The following CADM2 variants were observed in gnomAD, a reference collection of about 807,000 sequenced individuals.
The protein encoded by CADM2 is cell adhesion molecule 2, also known as immunoglobulin superfamily member 4D.
Under a neutral mutation model 49.8 loss-of-function variants are expected in CADM2, and 12 were observed. That is an observed-to-expected ratio of 0.24 (90% confidence interval 0.15 to 0.39). CADM2 has a LOEUF of 0.39. Ranked by LOEUF, CADM2 falls within the 10% of genes least tolerant of loss-of-function variation. CADM2 has a pLI of 1.00. For missense variants in CADM2, 378 were observed against 492.3 expected (o/e 0.77, Z 2.20); for synonymous variants, 214 against 175.4 (o/e 1.22, Z -1.74).
chr3:84,980,219 C>T (rs534342224), intron 1 of CADM2, among the ~76,000 whole-genome samples: 232 of 152,260 alleles, frequency 1.5e-3, no homozygotes, highest in Non-Finnish European at 3.0e-3. Flanking sequence ...AACACAGTTG[C>T]TTTCGAGTCT....
At chr3:85,646,832 T>C (rs943440043) in intron 1 of CADM2, among the ~76,000 whole-genome samples, 3 of 151,934 alleles carry the variant, frequency 2.0e-5, no homozygotes, top group African/African-American at 7.2e-5. Context: ...GTCTTGTTGA[T>C]CAATCTAATC....
At chr3:85,991,128 T>G (rs1728726535) in intron 8 of CADM2, among the ~76,000 whole-genome samples, 1 of 152,140 alleles carries the variant, frequency 6.6e-6, no homozygotes, top group African/African-American at 2.4e-5. Context: ...AAGAAAAATC[T>G]GTACAAACAC....
chr3:85,398,283 T>G (rs1316792528), intron 1 of CADM2, among the ~76,000 whole-genome samples: 1 of 152,154 alleles, frequency 6.6e-6, no homozygotes, highest in Non-Finnish European at 1.5e-5. Flanking sequence ...TGTGATAGTT[T>G]GCTGACAATG....
In CADM2 at chr3:85,600,871, A is replaced by G. The variant is rs550555963; in HGVS notation, c.62-125651A>G. Among the ~76,000 whole-genome samples the G allele has an allele frequency of 6.6e-5, 10 of 151,252 alleles. No individual in the cohort carries two copies. In the East Asian group the frequency reaches 1.6e-3, roughly 24 times the overall value. Reference sequence around the variant, plus strand: ...CAATTCAATTTACTTGTAAGAAGGAATGGAGGGGTAGTTAGATGGGGGAAG... The same window carrying G: ...CAATTCAATTTACTTGTAAGAAGGAGTGGAGGGGTAGTTAGATGGGGGAAG... On this transcript the variant is annotated intron_variant, in intron 1 of 9. Transcript: ENST00000383699.
intron 1 of CADM2, among the ~76,000 whole-genome samples, chr3:85,309,452 T>G (rs539703534): frequency 6.6e-6 from 1 of 152,242 alleles, no homozygotes; most frequent in Non-Finnish European, 1.5e-5. Flanking sequence ...TTTTTGCTTT[T>G]GAAAATGGAC....
intron 1 of CADM2, among the ~76,000 whole-genome samples, chr3:85,341,759 G>A (rs2045245387): frequency 6.6e-6 from 1 of 151,968 alleles, no homozygotes; most frequent in Non-Finnish European, 1.5e-5. Context: ...GATAAATATG[G>A]AAGTTAATAT....
At chr3:85,875,860 C>G (rs192640228) in intron 3 of CADM2, among the ~76,000 whole-genome samples, 1 of 152,258 alleles carries the variant, frequency 6.6e-6, no homozygotes, top group African/African-American at 2.4e-5. Flanking sequence ...AGGCAACAGA[C>G]AGCAAAATAA....
intron 1 of CADM2, among the ~76,000 whole-genome samples, chr3:85,067,519 C>T (rs1298592147): frequency 2.6e-5 from 4 of 152,018 alleles, no homozygotes; most frequent in African/African-American, 9.7e-5. Context: ...CAGTTTTACC[C>T]GTAGAAGTGG....
chr3:85,573,742 T>C (rs1448389183), intron 1 of CADM2, among the ~76,000 whole-genome samples: 1 of 152,206 alleles, frequency 6.6e-6, no homozygotes, highest in Non-Finnish European at 1.5e-5. Context: ...CAGTGGCTTG[T>C]TGAAAGCTTA....
At chr3:85,522,374 G>A (rs2061043726) in intron 1 of CADM2, among the ~76,000 whole-genome samples, 1 of 152,034 alleles carries the variant, frequency 6.6e-6, no homozygotes, top group African/African-American at 2.4e-5. Flanking sequence ...ATTAAATCAT[G>A]TTTGTAGAAA....
chr3:85,122,283 AATT>A (rs1461612208), intron 1 of CADM2, among the ~76,000 whole-genome samples: 2 of 152,156 alleles, frequency 1.3e-5, no homozygotes, highest in Non-Finnish European at 2.9e-5. Context: ...CCTCAAGACT[AATT>A]AAACATGAAA....
intron 8 of CADM2, among the ~76,000 whole-genome samples, chr3:85,981,356 C>G (rs1295318395): frequency 6.6e-6 from 1 of 151,078 alleles, no homozygotes; most frequent in Non-Finnish European, 1.5e-5. Flanking sequence ...ATTTTTTTTC[C>G]TTCCAACTTT....
At chr3:85,207,949 A>G (rs1032920183) in intron 1 of CADM2, among the ~76,000 whole-genome samples, 5 of 152,126 alleles carry the variant, frequency 3.3e-5, no homozygotes, top group South Asian at 2.1e-4. Context: ...CCTCTATTGC[A>G]GTTAGATACA....
intron 1 of CADM2, among the ~76,000 whole-genome samples, chr3:85,243,966 C>G (rs970205151): frequency 6.6e-6 from 1 of 151,856 alleles, no homozygotes; most frequent in Non-Finnish European, 1.5e-5. Context: ...ATCTCAACCC[C>G]TATTGTGTAG....
At position 85,413,409 on chromosome 3, in the gene CADM2, T is replaced by C. The variant is rs376854454; in HGVS notation, c.62-313113T>C. Among the ~76,000 whole-genome samples, 28 of 152,126 alleles carry C rather than the reference T, an allele frequency of 1.8e-4. 1 individual carries two copies. The East Asian group carries it at 2.9e-3, about 16-fold the overall frequency. On this transcript the variant is annotated intron_variant, in intron 1 of 9. Coordinates refer to ENST00000383699, the MANE Select transcript of CADM2 (RefSeq NM_001167675.2). ...GAGGGGCTTCCATTTGATGCATACA[T>C]GTTGATATATGTACTGATCTCTTCT...
chr3:85,526,537 A>G (rs1256028714), intron 1 of CADM2, among the ~76,000 whole-genome samples: 1 of 152,212 alleles, frequency 6.6e-6, no homozygotes, highest in Non-Finnish European at 1.5e-5. Context: ...GTGTCAGATG[A>G]CCTGGATTAA....
chr3:85,837,365 A>G (rs1304659371), intron 3 of CADM2, among the ~76,000 whole-genome samples: 3 of 151,648 alleles, frequency 2.0e-5, no homozygotes, highest in Non-Finnish European at 4.4e-5. Flanking sequence ...TTAAGTGACT[A>G]TAATATTAAA....
intron 1 of CADM2, among the ~76,000 whole-genome samples, chr3:85,622,636 A>G (rs1485776734): frequency 6.6e-6 from 1 of 152,102 alleles, no homozygotes; most frequent in Non-Finnish European, 1.5e-5. Flanking sequence ...CCCCTTTAAC[A>G]ACTTTTGGCC....
intron 1 of CADM2, among the ~76,000 whole-genome samples, chr3:85,625,215 A>C (rs1013356124): frequency 7.2e-5 from 11 of 152,140 alleles, no homozygotes; most frequent in African/African-American, 2.7e-4. Flanking sequence ...TCAGACCCAA[A>C]TTCTTAGTCT....
Sources: gnomAD v4.1 joint callset for allele counts (sites outside exome capture counted in the v4.1 genomes callset) on GRCh38, gnomAD v4.1.1 for gene constraint, MANE v1.5 for transcripts, NCBI Gene and HGNC (gene_info 2026-07-23, HGNC 2026-07-21) for gene names.